OFD1: variants seen among roughly 807,000 people sequenced by gnomAD.
OFD1 encodes the protein OFD1 centriole and centriolar satellite protein.
In OFD1, 12 loss-of-function variants were observed where a neutral mutation model predicts 81.4. The ratio of observed to expected loss-of-function variants is 0.15; its 90% CI spans 0.09 to 0.24. The LOEUF is 0.24. Among genes scored for constraint, OFD1 ranks in the 10% least tolerant of loss-of-function variants. The probability of loss-of-function intolerance (pLI) is 1.00; values close to 1 mark genes in which losing one functional copy is unlikely to be tolerated. For synonymous variants in OFD1, 256 were observed against 263.7 expected, an observed-to-expected ratio of 0.97 and a Z score of 0.28; for missense variants, 685 against 733.9, an observed-to-expected ratio of 0.93 and a Z score of 0.77.
chrX:13,770,901 CAAAG>C (rs752342661), downstream of OFD1: 962 of 112,293 alleles, frequency 8.6e-3, 8 homozygotes, highest in Non-Finnish European at 0.014. Flanking sequence ...ATACTGAGAA[CAAAG>C]AAAGATAGGA....
chrX:13,734,971 G>T lies in OFD1; in HGVS notation c.-101G>T. 1.7e-6 allele frequency: 2 copies of T among 1,151,957 alleles called. No individual in the cohort carries two copies. Among genetic ancestry groups the T allele is most frequent in the South Asian group, 1.9e-5 (1 of 52,430 alleles). The allele number at this position is 1,151,957 out of a possible 1,213,427, so 94.9% of individuals were successfully genotyped here. ...TCGGGACAGAGGCAGGGTTCTGAGG[G>T]CAGGGATTCCCCCTCGTCTTGGCCC... is the stretch of plus-strand genomic sequence containing the variant. On this transcript the variant is annotated 5_prime_UTR_variant, in exon 1 of 23. Coordinates refer to ENST00000340096, the MANE Select transcript of OFD1 (RefSeq NM_003611.3).
In OFD1 at chrX:13,738,928, G is replaced by GT. The variant is rs1226952451; in HGVS notation, c.381+17dup. The GT allele has an allele frequency of 8.5e-7, 1 of 1,180,790 alleles. No homozygotes were observed. Among genetic ancestry groups the GT allele is most frequent in the East Asian group, 3.0e-5 (1 of 33,588 alleles). On this transcript the variant is annotated intron_variant, in intron 4 of 22. Transcript: ENST00000340096. ...TACAAATCACTGGTAAGATGGCTTA[G>GT]TTTCTGTAATCTACTTTGGTTTGTT...
Position 13,760,698 on chromosome X carries a change from C to G in OFD1, c.2238C>G (p.Leu746=). ...STPLPKAKRS[L]ESEMYLEGLG... ...CCCTTCCAAAAGCAAAAAGAAGCCT[C>G]GAAAGTGAAATGTATCTGGAAGGTA... Residue 746 remains leucine (L), a synonymous_variant, in exon 16 of 23, where the codon CTC becomes CTG. Coordinates refer to ENST00000340096, the MANE Select transcript of OFD1 (RefSeq NM_003611.3). 1 of 1,211,307 alleles carries G rather than the reference C, an allele frequency of 8.3e-7. No individual in the cohort carries two copies. The highest frequency in any genetic ancestry group is 1.1e-6 in the Non-Finnish European group (1 of 895,398).
chrX:13,732,359 T>TG (rs1261036902), upstream of OFD1, among the ~76,000 whole-genome samples: 1 of 111,069 alleles, frequency 9.0e-6, no homozygotes, highest in African/African-American at 3.3e-5. Context: ...GGAAAGGGAG[T>TG]GGGGTACAGC....
downstream of OFD1, chrX:13,771,890 TAGG>T (rs984048479): frequency 8.9e-6 from 1 of 112,147 alleles, no homozygotes; most frequent in Non-Finnish European, 1.9e-5. Context: ...TCTATAAAAG[TAGG>T]AGGTTAGAGG....
At chrX:13,733,131 G>A (rs374427665), upstream of OFD1, among the ~76,000 whole-genome samples, 2 of 109,775 alleles carry the variant, frequency 1.8e-5, no homozygotes, top group Non-Finnish European at 3.8e-5. Context: ...GAGTAAGGGG[G>A]TCTTCAGGAA....
chrX:13,720,979 A>G, the OFD1 span: 1 of 105,613 alleles, frequency 9.5e-6, no homozygotes, highest in Non-Finnish European at 1.9e-5. Context: ...GTGAACCAAG[A>G]TCGCACCACT....
chrX:13,742,748 C>G (rs969716951), intron 5 of OFD1, among the ~76,000 whole-genome samples: 1 of 111,497 alleles, frequency 9.0e-6, no homozygotes, highest in African/African-American at 3.3e-5. Context: ...TGGTCTCGAT[C>G]CCCTGACCTC....
downstream of OFD1, among the ~76,000 whole-genome samples, chrX:13,769,654 T>G (rs1310479547): frequency 9.0e-5 from 10 of 111,716 alleles, no homozygotes; most frequent in African/African-American, 3.2e-4. Flanking sequence ...CCCCCCCGTG[T>G]GATAGAATTA....
upstream of OFD1, chrX:13,734,060 A>G: frequency 1.9e-6 from 1 of 514,989 alleles, no homozygotes; most frequent in Non-Finnish European, 3.5e-6. Context: ...CTCACAGCAC[A>G]CAATGGTTGG....
At chrX:13,723,335 T>C in the OFD1 span, among the ~76,000 whole-genome samples, 21 of 108,017 alleles carry the variant, frequency 1.9e-4, no homozygotes, top group African/African-American at 6.8e-4. Context: ...GCCCGGCTAA[T>C]TTTTGTATTT....
chrX:13,752,617 G>C, intron 10 of OFD1: 1 of 869,202 alleles, frequency 1.2e-6, no homozygotes. Flanking sequence ...TGTAGTTGCT[G>C]AATTTTTAGG....
At chrX:13,737,897 T>C (rs2046934113) in intron 3 of OFD1, among the ~76,000 whole-genome samples, 1 of 111,717 alleles carries the variant, frequency 9.0e-6, no homozygotes, top group Admixed American at 9.5e-5. Context: ...TTACCCAGTC[T>C]GGAGTGCAAT....
the OFD1 span, among the ~76,000 whole-genome samples, chrX:13,717,696 G>A: frequency 9.0e-6 from 1 of 111,260 alleles, no homozygotes; most frequent in Non-Finnish European, 1.9e-5. Flanking sequence ...CCGAGATCAC[G>A]CCATTGCACT....
upstream of OFD1, among the ~76,000 whole-genome samples, chrX:13,733,028 A>G (rs942626770): frequency 2.7e-5 from 3 of 111,999 alleles, no homozygotes; most frequent in African/African-American, 6.5e-5. Flanking sequence ...ATTATAAGCA[A>G]TTCTCCCTCC....
the OFD1 span, chrX:13,722,208 C>CAGAAAAAAAAAAAAAAAAAA: frequency 1.9e-4 from 7 of 36,116 alleles, no homozygotes; most frequent in Non-Finnish European, 3.1e-4. Context: ...TAAGCAGCAG[C>CAGAAAAAAAAAAAAAAAAAA]AAAAAAAAAA....
chrX:13,766,053 C>T (rs2048114183), intron 19 of OFD1, among the ~76,000 whole-genome samples: 1 of 111,885 alleles, frequency 8.9e-6, no homozygotes, highest in Non-Finnish European at 1.9e-5. Flanking sequence ...GAGCCACGGC[C>T]AGGCCCCAGT....
In OFD1 at chrX:13,750,542, C is replaced by T. The variant is rs6633313; in HGVS notation, c.936-707C>T. 1.0e-3 allele frequency among the ~76,000 whole-genome samples: 112 copies of T among 112,303 alleles called. 2 individuals carry two copies. In the East Asian group the frequency reaches 0.029, roughly 29 times the overall value. On this transcript the variant is annotated intron_variant, in intron 9 of 22. Transcript: ENST00000340096. ...TGATTTAAAGTCTCACTATGAAGACCATTCTATTCTTCAGTATTTGGAAGC... is the reference window on the plus strand; with the variant it reads ...TGATTTAAAGTCTCACTATGAAGACTATTCTATTCTTCAGTATTTGGAAGC...
intron 8 of OFD1, 60 bp downstream of exon 8, chrX:13,747,013 G>A (rs1421535430): frequency 7.7e-6 from 8 of 1,036,681 alleles, no homozygotes; most frequent in South Asian, 1.9e-5. Context: ...AGGTTGGCTC[G>A]AGATCCAGCA....
Sources: allele counts gnomAD v4.1 joint callset (sites outside exome capture counted in the v4.1 genomes callset), GRCh38; gene constraint gnomAD v4.1.1; transcripts MANE v1.5; gene names NCBI Gene and HGNC (gene_info 2026-07-23, HGNC 2026-07-21).